Variants in GABRB1 observed in about 807,000 individuals in gnomAD.
GABRB1 encodes gamma-aminobutyric acid type A receptor subunit beta1, also known as gamma-aminobutyric acid receptor subunit beta-1.
In GABRB1, 17 loss-of-function variants were observed where a neutral mutation model predicts 51.6. The ratio of observed to expected loss-of-function variants is 0.33; its 90% confidence interval spans 0.23 to 0.49. The LOEUF (loss-of-function observed/expected upper bound fraction) is 0.49, where lower values mean the gene tolerates loss of function less well. GABRB1 is among the 20% of genes least tolerant of loss of function. The pLI, the probability that GABRB1 is intolerant of heterozygous loss-of-function variation, is 0.99. For synonymous variants in GABRB1, 247 were observed against 218.9 expected, an observed-to-expected ratio of 1.13 and a Z score of -1.14; for missense variants, 410 against 600.6, an observed-to-expected ratio of 0.68 and a Z score of 3.32.
At chr4:47,347,981 T>C (rs1479715200) in intron 5 of GABRB1, among the ~76,000 whole-genome samples, 1 of 152,210 alleles carries the variant, frequency 6.6e-6, no homozygotes, top group Non-Finnish European at 1.5e-5. Context: ...AAAATCATTG[T>C]TAATGAGGCA....
At chr4:47,130,846 CA>C (rs756996205) in intron 3 of GABRB1, among the ~76,000 whole-genome samples, 1 of 152,074 alleles carries the variant, frequency 6.6e-6, no homozygotes, top group African/African-American at 2.4e-5. Flanking sequence ...GCTCAATAAA[CA>C]TTTGTCCTTC....
intron 3 of GABRB1, among the ~76,000 whole-genome samples, chr4:47,039,320 A>G (rs1725729074): frequency 1.3e-5 from 2 of 149,360 alleles, no homozygotes; most frequent in African/African-American, 2.5e-5. Flanking sequence ...ATAATTTTCC[A>G]GTAGCATTGA....
At chr4:47,418,879 G>A (rs1729011964) in intron 8 of GABRB1, among the ~76,000 whole-genome samples, 1 of 152,150 alleles carries the variant, frequency 6.6e-6, no homozygotes, top group South Asian at 2.1e-4. Context: ...TTCTTCTGTA[G>A]TAAGGTCCAG....
At chr4:47,244,893 G>A (rs947807813) in intron 4 of GABRB1, among the ~76,000 whole-genome samples, 15 of 152,110 alleles carry the variant, frequency 9.9e-5, no homozygotes, top group African/African-American at 2.4e-4. Flanking sequence ...GAGAAAGCAC[G>A]AAAGATCTAA....
intron 3 of GABRB1, among the ~76,000 whole-genome samples, chr4:47,065,002 A>G (rs1409242683): frequency 1.3e-5 from 2 of 152,210 alleles, no homozygotes; most frequent in Admixed American, 1.3e-4. Context: ...GCTTCCTCAG[A>G]GAAAGGATAT....
intron 4 of GABRB1, among the ~76,000 whole-genome samples, chr4:47,279,117 TG>T (rs1723187705): frequency 6.6e-6 from 1 of 151,866 alleles, no homozygotes. Flanking sequence ...GATGGATGGA[TG>T]GATGGATGGA....
chr4:47,102,173 TACAA>T (rs1714752338), intron 3 of GABRB1, among the ~76,000 whole-genome samples: 1 of 152,022 alleles, frequency 6.6e-6, no homozygotes. Context: ...AATCTGCATT[TACAA>T]ACAGAGTTGA....
chr4:47,016,200 C>G (rs1201288386), intron 1 of GABRB1, among the ~76,000 whole-genome samples: 1 of 152,140 alleles, frequency 6.6e-6, no homozygotes, highest in Non-Finnish European at 1.5e-5. Context: ...GGAGATGGTT[C>G]CCTTCTTACC....
chr4:47,300,175 G>A (rs1460257382), intron 4 of GABRB1, among the ~76,000 whole-genome samples: 2 of 151,974 alleles, frequency 1.3e-5, no homozygotes, highest in Admixed American at 6.6e-5. Flanking sequence ...CACTAGCACA[G>A]CACATGTATA....
At chr4:47,205,536 G>T (rs1286349436) in intron 4 of GABRB1, among the ~76,000 whole-genome samples, 1 of 151,992 alleles carries the variant, frequency 6.6e-6, no homozygotes, top group African/African-American at 2.4e-5. Context: ...TCAGTTTAAG[G>T]TTTATGTGAC....
chr4:47,040,677 T>A (rs1030013193), intron 3 of GABRB1, among the ~76,000 whole-genome samples: 17 of 152,112 alleles, frequency 1.1e-4, no homozygotes, highest in African/African-American at 3.6e-4. Context: ...AATATTGACA[T>A]CAATGAACTA....
At chr4:47,130,349 G>A in intron 3 of GABRB1, among the ~76,000 whole-genome samples, 1 of 145,544 alleles carries the variant, frequency 6.9e-6, no homozygotes, top group East Asian at 2.0e-4. Context: ...GTGTGTGTGT[G>A]TGTGTGTGTG....
intron 4 of GABRB1, among the ~76,000 whole-genome samples, chr4:47,205,203 T>C (rs1282808668): frequency 6.6e-6 from 1 of 152,188 alleles, no homozygotes; most frequent in Non-Finnish European, 1.5e-5. Context: ...TTACATGGAC[T>C]GATTCAAGAC....
In GABRB1 at chr4:47,017,652, G is replaced by A. The variant is rs528721394; in HGVS notation, c.-19-14262G>A. Among the ~76,000 whole-genome samples, 35 of 152,016 alleles carry A rather than the reference G, an allele frequency of 2.3e-4. No individual in the cohort carries two copies. In the South Asian group the frequency reaches 6.5e-3, roughly 28 times the overall value. ...CACACTCACACACACACACACACAAGCATGCTGGCTTCTAGTTTTACCACT... is the reference window on the plus strand; with the variant it reads ...CACACTCACACACACACACACACAAACATGCTGGCTTCTAGTTTTACCACT... On this transcript the variant is annotated intron_variant, in intron 1 of 3. Coordinates refer to the GABRB1 transcript ENST00000513567.
chr4:47,378,782 G>T (rs968472395), intron 5 of GABRB1, among the ~76,000 whole-genome samples: 5 of 150,614 alleles, frequency 3.3e-5, no homozygotes, highest in Non-Finnish European at 5.9e-5. Flanking sequence ...CACTGCTCCC[G>T]GCCGGAGTTT....
At chr4:47,181,478 G>C (rs528402870) in intron 4 of GABRB1, among the ~76,000 whole-genome samples, 1 of 151,908 alleles carries the variant, frequency 6.6e-6, no homozygotes, top group Non-Finnish European at 1.5e-5. Context: ...GCAATAGAGC[G>C]AAGTGACAAA....
chr4:47,419,834 TG>T (rs1729041329), intron 8 of GABRB1, among the ~76,000 whole-genome samples: 1 of 151,980 alleles, frequency 6.6e-6, no homozygotes, highest in African/African-American at 2.4e-5. Flanking sequence ...TAATAAGGAG[TG>T]GGGTGAGAGT....
At chr4:47,377,398 C>T (rs1237635128) in intron 5 of GABRB1, among the ~76,000 whole-genome samples, 2 of 149,388 alleles carry the variant, frequency 1.3e-5, no homozygotes, top group African/African-American at 2.5e-5. Context: ...TCCTTATGTT[C>T]GGAAGTGTTC....
intron 4 of GABRB1, among the ~76,000 whole-genome samples, chr4:47,176,895 A>C (rs1413213990): frequency 6.6e-6 from 1 of 152,168 alleles, no homozygotes; most frequent in African/African-American, 2.4e-5. Flanking sequence ...TAAGATAGAC[A>C]GTCACATTTC....
Sources: allele counts gnomAD v4.1 joint callset (sites outside exome capture counted in the v4.1 genomes callset), GRCh38; gene constraint gnomAD v4.1.1; transcripts MANE v1.5; gene names NCBI Gene and HGNC (gene_info 2026-07-23, HGNC 2026-07-21).